Variants in DAAM2 observed in about 807,000 individuals in gnomAD.
DAAM2 encodes dishevelled associated activator of morphogenesis 2, also known as disheveled-associated activator of morphogenesis 2.
In DAAM2, 39 loss-of-function variants were observed where a neutral mutation model predicts 120.7. The ratio of observed to expected loss-of-function variants is 0.32; its 90% CI spans 0.25 to 0.42. The LOEUF is 0.42. DAAM2 is among the 10% of genes least tolerant of loss of function. The pLI, the probability that DAAM2 is intolerant of heterozygous loss-of-function variation, is 1.00. For synonymous variants in DAAM2, 488 were observed against 524.9 expected (o/e 0.93, Z 0.96); for missense variants, 1,283 against 1,401.7 (o/e 0.92, Z 1.35).
chr6:39,845,380 A>C (rs115600440), intron 1 of DAAM2, among the ~76,000 whole-genome samples: 13 of 438 alleles, frequency 0.03, 3 homozygotes, highest in East Asian at 0.083. Context: ...ACATACACAT[A>C]TACACACACC....
intron 14 of DAAM2, chr6:39,883,740 T>C: frequency 1.9e-6 from 1 of 516,830 alleles, no homozygotes; most frequent in Non-Finnish European, 3.5e-6. Context: ...TGTGGCTCCA[T>C]GCACAAGGGA....
At chr6:39,874,721 C>T (rs1764799361) in intron 10 of DAAM2, among the ~76,000 whole-genome samples, 1 of 152,178 alleles carries the variant, frequency 6.6e-6, no homozygotes, top group South Asian at 2.1e-4. Flanking sequence ...AGATGACTAT[C>T]ATTAGAGGGG....
At chr6:39,882,687 G>A (rs1305009465) in intron 14 of DAAM2, among the ~76,000 whole-genome samples, 1 of 143,204 alleles carries the variant, frequency 7.0e-6, no homozygotes, top group African/African-American at 2.6e-5. Context: ...CCTATCCCAC[G>A]TGTGCTTCTG....
intron 1 of DAAM2, among the ~76,000 whole-genome samples, chr6:39,809,127 C>T (rs1175300782): frequency 6.6e-6 from 1 of 152,128 alleles, no homozygotes; most frequent in East Asian, 1.9e-4. Context: ...TGCTTCTCCA[C>T]CTGAAGATGT....
intron 1 of DAAM2, chr6:39,822,169 T>A (rs749895816): frequency 6.6e-6 from 1 of 152,278 alleles, no homozygotes; most frequent in Non-Finnish European, 1.5e-5. Context: ...TCAGCCAGCA[T>A]CCCCACCCTC....
intron 16 of DAAM2, chr6:39,888,299 C>G (rs1027285166): frequency 1.9e-5 from 3 of 159,496 alleles, no homozygotes; most frequent in Non-Finnish European, 4.1e-5. Context: ...AGTGGCTTGC[C>G]GATAATCCTG....
At chr6:39,817,596 A>G (rs1161230848) in intron 1 of DAAM2, among the ~76,000 whole-genome samples, 1 of 152,074 alleles carries the variant, frequency 6.6e-6, no homozygotes, top group Non-Finnish European at 1.5e-5. Context: ...AACCAATAGG[A>G]TCTCTCTCTA....
At chr6:39,838,189 G>T (rs188515938) in intron 1 of DAAM2, among the ~76,000 whole-genome samples, 1 of 152,306 alleles carries the variant, frequency 6.6e-6, no homozygotes, top group African/African-American at 2.4e-5. Context: ...CCTCTCTGGG[G>T]CCCAATGTCT....
At chr6:39,897,335 C>A in intron 21 of DAAM2, 53 bp downstream of exon 21, 1 of 1,214,660 alleles carries the variant, frequency 8.2e-7, no homozygotes, top group South Asian at 1.2e-5. Context: ...TCATTCTTGT[C>A]TTACTTTCCT....
intron 1 of DAAM2, chr6:39,822,494 A>G (rs554803622): frequency 6.6e-6 from 1 of 152,326 alleles, no homozygotes; most frequent in African/African-American, 2.4e-5. Flanking sequence ...CTGGAAAGAT[A>G]TTTTGGATGT....
At position 39,879,263 on chromosome 6, in the gene DAAM2, C is replaced by G. The variant is rs779853996; in HGVS notation, c.1631C>G (p.Pro544Arg). ...SMTTNDLPPPPPPLPFACCPP... is the reference protein window; with the variant it reads ...SMTTNDLPPPRPPLPFACCPP... The stretch of plus-strand genomic sequence containing the variant: ...ACAACCAATGACCTGCCTCCACCCC[C>G]TCCTCCTCTGCCCTTTGCCTGTTGT... Residue 544 changes from proline (P) to arginine (R), a missense_variant, in exon 14 of 25, where the codon CCT becomes CGT. By Grantham distance (103) the Pro-to-Arg change is moderately radical. Coordinates refer to ENST00000274867, the MANE Select transcript of DAAM2 (RefSeq NM_001201427.2). 2.0e-6 allele frequency: 3 copies of G among 1,533,554 alleles called. No individual in the cohort carries two copies. The highest frequency in any genetic ancestry group is 2.4e-5 in the South Asian group (2 of 81,816). 95.0% of individuals were successfully genotyped at this position (1,533,554 alleles called of 1,614,324 possible).
At chr6:39,899,927 T>C (rs1766368245) in intron 22 of DAAM2, 150 bp from the exon 23 acceptor site, 1 of 857,034 alleles carries the variant, frequency 1.2e-6, no homozygotes, top group Non-Finnish European at 1.7e-6. Flanking sequence ...TAGCTCATAG[T>C]CTTTGCCATC....
chr6:39,823,659 G>A lies in DAAM2; in HGVS notation c.-57+31194G>A, dbSNP rs112389923. Reference sequence around the variant, plus strand: ...TTCTGACCTTTCCTGAGGCCCAGCTGTTAGGTGAGAAGGCCATCGCATGAT... The same window carrying A: ...TTCTGACCTTTCCTGAGGCCCAGCTATTAGGTGAGAAGGCCATCGCATGAT... On this transcript the variant is annotated intron_variant, in intron 1 of 24. Transcript: ENST00000274867. Among the ~76,000 whole-genome samples, 1,267 of 152,332 alleles carry A rather than the reference G, an allele frequency of 8.3e-3. 11 individuals are homozygous for A. The highest frequency in any genetic ancestry group is 0.014 in the Non-Finnish European group (956 of 68,032).
chr6:39,880,057 G>C (rs1765053141), intron 14 of DAAM2: 1 of 162,576 alleles, frequency 6.2e-6, no homozygotes, highest in Non-Finnish European at 1.4e-5. Flanking sequence ...CATGAGCATA[G>C]AGTAGAGACG....
At chr6:39,803,481 G>A (rs1761926546) in intron 1 of DAAM2, among the ~76,000 whole-genome samples, 2 of 152,162 alleles carry the variant, frequency 1.3e-5, no homozygotes, top group African/African-American at 2.4e-5. Context: ...CGCTTACACT[G>A]TTTCACCAAA....
rs1764991773 is a variant in DAAM2 at position 39,878,966 on chromosome 6, T to A, written c.1546-212T>A. ...TTGTCCAGTGTCCGTGTGCGTGACG[T>A]GTGTGTGTCTGTGGTGGTGGTGTGT... is the stretch of plus-strand genomic sequence containing the variant. On this transcript the variant is annotated intron_variant, in intron 13 of 24. Transcript: ENST00000274867. The surrounding 1 kb of genome is among the most constrained non-coding windows in gnomAD (Gnocchi z 5.0). Among the ~76,000 whole-genome samples the A allele has an allele frequency of 6.6e-6, 1 of 152,006 alleles. No individual in the cohort carries two copies. The highest frequency in any genetic ancestry group is 2.4e-5 in the African/African-American group (1 of 41,374).
chr6:39,863,946 G>A (rs1205935349), intron 3 of DAAM2, among the ~76,000 whole-genome samples: 1 of 152,138 alleles, frequency 6.6e-6, no homozygotes, highest in Non-Finnish European at 1.5e-5. Flanking sequence ...TATGTGCCAA[G>A]TGTTTTCTAT....
intron 5 of DAAM2, among the ~76,000 whole-genome samples, chr6:39,866,725 A>C (rs1764448573): frequency 6.6e-6 from 1 of 152,262 alleles, no homozygotes; most frequent in South Asian, 2.1e-4. Context: ...GAGTCTTGAT[A>C]ACCATCATAA....
At chr6:39,809,109 G>A (rs1013560205) in intron 1 of DAAM2, among the ~76,000 whole-genome samples, 1 of 152,312 alleles carries the variant, frequency 6.6e-6, no homozygotes, top group Non-Finnish European at 1.5e-5. Flanking sequence ...GCACCAGGAA[G>A]CCGTTAGTGC....
Sources: gnomAD v4.1 joint callset for allele counts (sites outside exome capture counted in the v4.1 genomes callset) on GRCh38, gnomAD v4.1.1 for gene constraint, Gnocchi (gnomAD v3.1) non-coding constraint, MANE v1.5 for transcripts, NCBI Gene and HGNC (gene_info 2026-07-23, HGNC 2026-07-21) for gene names.